The following PYGO1 variants were observed in gnomAD, a reference collection of about 807,000 sequenced individuals.
PYGO1 encodes the protein pygopus family PHD finger 1, also known as pygopus homolog 1.
A neutral mutation model predicts 29.5 loss-of-function variants in PYGO1; 6 were observed. The observed-to-expected ratio is 0.20, with a 90% CI of 0.11 to 0.40. The LOEUF (loss-of-function observed/expected upper bound fraction) is 0.40. Among genes scored for constraint, PYGO1 ranks in the 10% least tolerant of loss-of-function variants. The pLI is 1.00. For synonymous variants in PYGO1, 186 were observed against 180.5 expected, an observed-to-expected ratio of 1.03 and a Z score of -0.24; for missense variants, 515 against 514.9, an observed-to-expected ratio of 1.00 and a Z score of 0.00.
intron 1 of PYGO1, among the ~76,000 whole-genome samples, chr15:55,568,692 T>G (rs989416677): frequency 6.6e-6 from 1 of 152,138 alleles, no homozygotes; most frequent in African/African-American, 2.4e-5. Context: ...CTGCATCCAG[T>G]TTCTGCCTAT....
chr15:55,569,675 A>G (rs998968441), intron 1 of PYGO1, among the ~76,000 whole-genome samples: 9 of 152,154 alleles, frequency 5.9e-5, no homozygotes, highest in South Asian at 2.1e-4. Flanking sequence ...GTAGGATTTC[A>G]ATTTTTTTGA....
At chr15:55,578,168 C>G (rs2059011656) in intron 1 of PYGO1, among the ~76,000 whole-genome samples, 1 of 152,102 alleles carries the variant, frequency 6.6e-6, no homozygotes, top group Admixed American at 6.6e-5. Context: ...TAGTATGTAT[C>G]AGTATTTCAC....
At chr15:55,556,934 A>T (rs2058908456) in intron 1 of PYGO1, among the ~76,000 whole-genome samples, 1 of 152,104 alleles carries the variant, frequency 6.6e-6, no homozygotes, top group African/African-American at 2.4e-5. Flanking sequence ...CATCCTCCCA[A>T]GACTGAACCA....
At chr15:55,575,089 C>T (rs1434195947) in intron 1 of PYGO1, among the ~76,000 whole-genome samples, 3 of 152,188 alleles carry the variant, frequency 2.0e-5, no homozygotes, top group African/African-American at 7.2e-5. Context: ...TCAGATTTAA[C>T]TAACTTGCCC....
chr15:55,584,577 T>C (rs1166867872), intron 1 of PYGO1, among the ~76,000 whole-genome samples: 1 of 152,140 alleles, frequency 6.6e-6, no homozygotes, highest in Non-Finnish European at 1.5e-5. Flanking sequence ...CAGTTGACAT[T>C]CTAAGGGAAA....
rs75474191 is a variant in PYGO1 at position 55,550,339 on chromosome 15, C to T, written c.50-1344G>A. Among the ~76,000 whole-genome samples the T allele has an allele frequency of 3.4e-3, 524 of 152,272 alleles. 31 individuals are homozygous for T. The East Asian group carries it at 0.092, about 27-fold the overall frequency. ...TTTTTCTTTTGCTAGGGTCTTCCAA[C>T]GGGAGCTCTAGAGGGATACTTGAAG... On this transcript the variant is annotated intron_variant, in intron 1 of 2. Transcript: ENST00000563719.
intron 1 of PYGO1, among the ~76,000 whole-genome samples, chr15:55,566,361 C>T (rs554771047): frequency 1.3e-5 from 2 of 150,068 alleles, no homozygotes; most frequent in East Asian, 2.0e-4. Flanking sequence ...CTTAGGATAA[C>T]GGCCTCCAGT....
chr15:55,574,596 T>A (rs1275540979), intron 1 of PYGO1, among the ~76,000 whole-genome samples: 1 of 152,144 alleles, frequency 6.6e-6, no homozygotes, highest in African/African-American at 2.4e-5. Context: ...TTTGTTGCAA[T>A]TCTTCAAAAA....
intron 1 of PYGO1, among the ~76,000 whole-genome samples, chr15:55,570,113 T>C (rs1309909010): frequency 6.6e-6 from 1 of 152,174 alleles, no homozygotes; most frequent in African/African-American, 2.4e-5. Flanking sequence ...GCTCTCTACC[T>C]CTTTCACATA....
At chr15:55,575,250 A>AT (rs1219654600) in intron 1 of PYGO1, among the ~76,000 whole-genome samples, 4 of 152,198 alleles carry the variant, frequency 2.6e-5, no homozygotes, top group Non-Finnish European at 5.9e-5. Context: ...AAAGATTCTG[A>AT]TTGAGTAGTT....
chr15:55,558,265 T>G (rs1034856276), intron 1 of PYGO1, among the ~76,000 whole-genome samples: 27 of 151,946 alleles, frequency 1.8e-4, no homozygotes, highest in African/African-American at 6.0e-4. Flanking sequence ...TCAAAGAGAA[T>G]AAAATACCTA....
intron 1 of PYGO1, among the ~76,000 whole-genome samples, chr15:55,566,255 T>C (rs1272646811): frequency 1.3e-5 from 2 of 152,140 alleles, no homozygotes; most frequent in African/African-American, 2.4e-5. Flanking sequence ...CCAGGGTCTA[T>C]TGCTGCCATC....
intron 1 of PYGO1, among the ~76,000 whole-genome samples, chr15:55,583,923 T>C (rs2059035783): frequency 6.6e-6 from 1 of 152,200 alleles, no homozygotes; most frequent in South Asian, 2.1e-4. Context: ...ATGCTTTCTG[T>C]ACATCACTTA....
At chr15:55,552,153 G>A (rs1005750214) in intron 1 of PYGO1, among the ~76,000 whole-genome samples, 2 of 151,714 alleles carry the variant, frequency 1.3e-5, no homozygotes, top group Non-Finnish European at 2.9e-5. Context: ...TCAGGAGTTC[G>A]AGACCAGCCT....
chr15:55,588,959 A>G, upstream of PYGO1: 2 of 967,070 alleles, frequency 2.1e-6, no homozygotes, highest in Non-Finnish European at 1.6e-6. Context: ...TTCAAGAAAG[A>G]GCGACGTAGA....
chr15:55,570,182 TCTC>T (rs2141667744), intron 1 of PYGO1, among the ~76,000 whole-genome samples: 1 of 152,294 alleles, frequency 6.6e-6, no homozygotes, highest in East Asian at 1.9e-4. Flanking sequence ...TTGCCAGTGT[TCTC>T]CTCTCTGGGA....
chr15:55,558,680 C>A (rs569047879), intron 1 of PYGO1, among the ~76,000 whole-genome samples: 2 of 151,834 alleles, frequency 1.3e-5, no homozygotes, highest in East Asian at 1.9e-4. Flanking sequence ...ACAGAGCCAA[C>A]GCATGTACAA....
At chr15:55,568,958 T>A (rs1179803430) in intron 1 of PYGO1, among the ~76,000 whole-genome samples, 1 of 152,210 alleles carries the variant, frequency 6.6e-6, no homozygotes, top group African/African-American at 2.4e-5. Context: ...TCATGGTGAA[T>A]TAACTTTTTG....
intron 1 of PYGO1, among the ~76,000 whole-genome samples, chr15:55,578,251 G>T (rs2059011914): frequency 6.6e-6 from 1 of 151,866 alleles, no homozygotes. Context: ...CTAGCTGATG[G>T]ACATTTCGGT....
Sources: gnomAD v4.1 joint callset for allele counts (sites outside exome capture counted in the v4.1 genomes callset) on GRCh38, gnomAD v4.1.1 for gene constraint, MANE v1.5 for transcripts, NCBI Gene and HGNC (gene_info 2026-07-23, HGNC 2026-07-21) for gene names.